PTPN1: variants seen among roughly 807,000 people sequenced by gnomAD.
PTPN1 encodes the protein protein tyrosine phosphatase non-receptor type 1.
PTPN1 carries 12 observed loss-of-function variants against 59.9 expected under a neutral mutation model. That is an observed-to-expected ratio of 0.20 (90% CI 0.13 to 0.32). PTPN1 has a LOEUF of 0.32. PTPN1 is among the 10% of genes least tolerant of loss of function. The pLI is 1.00. For synonymous variants in PTPN1, 178 were observed against 203.6 expected (o/e 0.87, Z 1.07); for missense variants, 356 against 549.2 (o/e 0.65, Z 3.52).
At chr20:50,574,685 G>A in intron 5 of PTPN1, 31 bp downstream of exon 5, 3 of 1,578,050 alleles carry the variant, frequency 1.9e-6, no homozygotes, top group Non-Finnish European at 2.6e-6. Context: ...AGCACTTCAG[G>A]CGGCTACTGG....
chr20:50,517,080 A>G (rs1189958382), intron 1 of PTPN1, among the ~76,000 whole-genome samples: 2 of 152,172 alleles, frequency 1.3e-5, no homozygotes, highest in African/African-American at 2.4e-5. Flanking sequence ...TTTTGATTGT[A>G]TGAAAACTGA....
At position 50,568,900 on chromosome 20, in the gene PTPN1, C is replaced by G. The variant is rs771822726; in HGVS notation, c.354+422C>G. 6.6e-6 allele frequency among the ~76,000 whole-genome samples: 1 copy of G among 152,114 alleles called. No individual in the cohort carries two copies. The highest frequency in any genetic ancestry group is 2.1e-4 in the South Asian group (1 of 4,824). ...GGCTACCTCTGCGGAGCTGTGGGAGCGGCTGACTAGATGAGATTTGCCTCC... is the reference window on the plus strand; with the variant it reads ...GGCTACCTCTGCGGAGCTGTGGGAGGGGCTGACTAGATGAGATTTGCCTCC... On this transcript the variant is annotated intron_variant, in intron 4 of 9. Transcript: ENST00000371621. This position sits in a 1 kb window ranked among gnomAD's most constrained non-coding sequence, Gnocchi z 5.6.
At chr20:50,574,115 A>G (rs1397714984) in intron 4 of PTPN1, 3 of 158,286 alleles carry the variant, frequency 1.9e-5, no homozygotes, top group African/African-American at 7.2e-5. Context: ...TTTTCTGTGC[A>G]GGGTAAGGCA....
intron 1 of PTPN1, among the ~76,000 whole-genome samples, chr20:50,512,266 G>T (rs2082510887): frequency 6.6e-6 from 1 of 152,218 alleles, no homozygotes; most frequent in East Asian, 1.9e-4. Context: ...TTGTTGGTCT[G>T]AAGTGTTGGA....
chr20:50,567,706 A>G (rs1435510382), intron 3 of PTPN1, among the ~76,000 whole-genome samples: 1 of 152,164 alleles, frequency 6.6e-6, no homozygotes, highest in Non-Finnish European at 1.5e-5. Context: ...GGGCCACCTC[A>G]TTGACCATTT....
chr20:50,544,271 G>A (rs1388139473), intron 1 of PTPN1, among the ~76,000 whole-genome samples: 4 of 151,564 alleles, frequency 2.6e-5, no homozygotes, highest in South Asian at 2.1e-4. Context: ...CCACCTCAGC[G>A]TCCCGAGTAG....
chr20:50,581,261 T>C lies in PTPN1; in HGVS notation c.1089-4T>C. 1 of 1,589,172 alleles carries C rather than the reference T, an allele frequency of 6.3e-7. No individual in the cohort carries two copies. Among genetic ancestry groups the C allele is most frequent in the Non-Finnish European group, 8.6e-7 (1 of 1,160,636 alleles). On this transcript the variant is annotated splice_polypyrimidine_tract_variant and splice_region_variant and intron_variant, in intron 8 of 9. Coordinates refer to ENST00000371621, the MANE Select transcript of PTPN1 (RefSeq NM_002827.4). ...TAACCCATCTCTGCCCTCTGATTCC[T>C]CAGCATGAGTCAAGACACTGAAGTT...
rs141970314 is a variant in PTPN1 at position 50,510,566 on chromosome 20, C to T, written c.39C>T (p.Ser13=). 1.0e-4 allele frequency: 156 copies of T among 1,551,022 alleles called. No individual in the cohort carries two copies. Among genetic ancestry groups the T allele is most frequent in the African/African-American group, 5.8e-4 (42 of 73,008 alleles). ...AGGAGTTCGAGCAGATCGACAAGTC[C>T]GGGAGCTGGGCGGCCATTTACCAGG... ...MEKEFEQIDK[S]GSWAAIYQDI... The change falls in exon 1 of 10, where the codon TCC becomes TCT. Residue 13 remains serine, a synonymous_variant. Coordinates refer to ENST00000371621, the MANE Select transcript of PTPN1 (RefSeq NM_002827.4).
rs1363493183 is a variant in PTPN1, at chr20:50,582,753, C to T, written c.*38C>T. ...CCACTCCACCTCCACCCACTGTCCG[C>T]CTCTGCCCGCAGAGCCCACGCCCGA... On this transcript the variant is annotated 3_prime_UTR_variant, in exon 10 of 10. Coordinates refer to ENST00000371621, the MANE Select transcript of PTPN1 (RefSeq NM_002827.4). This position sits in a 1 kb window ranked among gnomAD's most constrained non-coding sequence, Gnocchi z 4.2. 1.2e-6 allele frequency: 2 copies of T among 1,612,336 alleles called. No individual in the cohort carries two copies. Among genetic ancestry groups the T allele is most frequent in the Non-Finnish European group, 1.7e-6 (2 of 1,179,160 alleles).
At position 50,568,203 on chromosome 20, in the gene PTPN1, A is replaced by T. The variant is rs2082788364; in HGVS notation, c.256-177A>T. Among the ~76,000 whole-genome samples, 1 of 152,214 alleles carries T rather than the reference A, an allele frequency of 6.6e-6. No individual in the cohort carries two copies. The highest frequency in any genetic ancestry group is 2.4e-5 in the African/African-American group (1 of 41,446). ...CCTTTCGCTGCCTGGTAGAAAATGG[A>T]GCTGCAGTTACTGACCACCAGGCAG... On this transcript the variant is annotated intron_variant, in intron 3 of 9. Transcript: ENST00000371621. This position sits in a 1 kb window ranked among gnomAD's most constrained non-coding sequence, Gnocchi z 5.6.
At chr20:50,576,133 T>C (rs1229232790) in intron 5 of PTPN1, among the ~76,000 whole-genome samples, 2 of 151,884 alleles carry the variant, frequency 1.3e-5, no homozygotes, top group Non-Finnish European at 1.5e-5. Context: ...CTGAGTACGG[T>C]GGATGGAGGT....
At chr20:50,571,126 G>A (rs887204292) in intron 4 of PTPN1, 54 of 152,262 alleles carry the variant, frequency 3.5e-4, no homozygotes, top group African/African-American at 1.3e-3. Context: ...GTCCAGTGCT[G>A]TAGTTATGTG....
chr20:50,569,946 G>A (rs143310248), intron 4 of PTPN1, among the ~76,000 whole-genome samples: 5 of 152,356 alleles, frequency 3.3e-5, no homozygotes, highest in Non-Finnish European at 5.9e-5. Context: ...GCTGAGGATC[G>A]TGGAGACCAG....
At chr20:50,511,798 A>G (rs1434948980) in intron 1 of PTPN1, among the ~76,000 whole-genome samples, 3 of 152,206 alleles carry the variant, frequency 2.0e-5, no homozygotes, top group Non-Finnish European at 2.9e-5. Flanking sequence ...TACAGAATAG[A>G]GAGATTTTGT....
chr20:50,582,926 T>A lies in PTPN1; in HGVS notation c.*211T>A. 1.6e-6 allele frequency: 1 copy of A among 607,562 alleles called. No homozygotes were observed. Among genetic ancestry groups the A allele is most frequent in the Admixed American group, 2.8e-5 (1 of 35,776 alleles). 37.6% of individuals were successfully genotyped at this position (607,562 alleles called of 1,614,324 possible). On this transcript the variant is annotated 3_prime_UTR_variant, in exon 10 of 10. Transcript: ENST00000371621. The surrounding 1 kb of genome is among the most constrained non-coding windows in gnomAD (Gnocchi z 4.2). ...TACTTTTTGCCCCTTCCACTTTGAG[T>A]ACCAAATCCACAAGCCATTTTTTGA...
chr20:50,562,902 T>C (rs986102955), intron 2 of PTPN1: 1 of 152,198 alleles, frequency 6.6e-6, no homozygotes, highest in African/African-American at 2.4e-5. Context: ...GGGAATAATC[T>C]TGTCTTTAAT....
intron 1 of PTPN1, among the ~76,000 whole-genome samples, chr20:50,517,067 A>G (rs1296879036): frequency 6.6e-6 from 1 of 152,180 alleles, no homozygotes; most frequent in African/African-American, 2.4e-5. Flanking sequence ...GACAGCTTGT[A>G]AATTTTGATT....
At chr20:50,521,890 A>G (rs1214038111) in intron 1 of PTPN1, among the ~76,000 whole-genome samples, 3 of 152,316 alleles carry the variant, frequency 2.0e-5, no homozygotes, top group African/African-American at 7.2e-5. Flanking sequence ...TGTGCGTTGC[A>G]GAGTTTACCA....
intron 1 of PTPN1, among the ~76,000 whole-genome samples, chr20:50,523,677 GT>G (rs898231500): frequency 6.6e-6 from 1 of 152,228 alleles, no homozygotes; most frequent in Non-Finnish European, 1.5e-5. Flanking sequence ...AGGAAGTTCA[GT>G]AGTCCAGCAG....
Sources: gnomAD v4.1 joint callset for allele counts (sites outside exome capture counted in the v4.1 genomes callset) on GRCh38, gnomAD v4.1.1 for gene constraint, Gnocchi (gnomAD v3.1) non-coding constraint, MANE v1.5 for transcripts, NCBI Gene and HGNC (gene_info 2026-07-23, HGNC 2026-07-21) for gene names.